RBFOX1: variants seen among roughly 807,000 people sequenced by gnomAD.
RBFOX1 encodes the protein RNA binding fox-1 homolog 1.
RBFOX1 carries 8 observed loss-of-function variants against 57.7 expected under a neutral mutation model. The observed-to-expected ratio is 0.14, with a 90% CI of 0.08 to 0.25. RBFOX1 has a LOEUF of 0.25. RBFOX1 is among the 10% of genes least tolerant of loss of function. RBFOX1 has a pLI of 1.00. For synonymous variants in RBFOX1, 326 were observed against 222.4 expected (o/e 1.47, Z -4.15); for missense variants, 611 against 548.5 (o/e 1.11, Z -1.14).
intron 4 of RBFOX1, among the ~76,000 whole-genome samples, chr16:5,909,538 G>T (rs1027446308): frequency 6.6e-6 from 1 of 152,198 alleles, no homozygotes; most frequent in Non-Finnish European, 1.5e-5. Context: ...GGTGCAGGAG[G>T]CACGGTTTAT....
At chr16:5,885,550 C>T (rs917800078) in intron 4 of RBFOX1, among the ~76,000 whole-genome samples, 4 of 152,128 alleles carry the variant, frequency 2.6e-5, no homozygotes, top group African/African-American at 4.8e-5. Context: ...TCCTTTCCTT[C>T]CTCAAAGTGA....
intron 2 of RBFOX1, among the ~76,000 whole-genome samples, chr16:5,597,483 T>C (rs886467571): frequency 1.4e-5 from 2 of 147,438 alleles, no homozygotes; most frequent in African/African-American, 5.0e-5. Context: ...CACTGCAACC[T>C]GTACCTCCCA....
chr16:6,388,219 G>C (rs913123335), intron 2 of RBFOX1, among the ~76,000 whole-genome samples: 1 of 151,934 alleles, frequency 6.6e-6, no homozygotes, highest in African/African-American at 2.4e-5. Context: ...ACCAACCTCG[G>C]CCTCCCAAAG....
chr16:6,295,135 G>A (rs1023024065), intron 1 of RBFOX1, among the ~76,000 whole-genome samples: 2 of 126,718 alleles, frequency 1.6e-5, no homozygotes, highest in Non-Finnish European at 3.1e-5. Flanking sequence ...TTGAGACGGG[G>A]TATCTCTCTG....
chr16:6,183,618 G>A (rs1383786338), intron 1 of RBFOX1, among the ~76,000 whole-genome samples: 1 of 152,076 alleles, frequency 6.6e-6, no homozygotes, highest in African/African-American at 2.4e-5. Context: ...TGTAACATTT[G>A]TGCAGAAACA....
At chr16:6,525,084 C>T (rs1269829085) in intron 2 of RBFOX1, among the ~76,000 whole-genome samples, 2 of 152,170 alleles carry the variant, frequency 1.3e-5, no homozygotes, top group African/African-American at 4.8e-5. Flanking sequence ...TCCCTCCCTC[C>T]ACCTAAATTA....
intron 4 of RBFOX1, among the ~76,000 whole-genome samples, chr16:7,286,510 TG>T (rs2095654416): frequency 6.7e-6 from 1 of 150,046 alleles, no homozygotes; most frequent in African/African-American, 2.5e-5. Context: ...AGTACAGTGA[TG>T]CCATCTCAGC....
intron 1 of RBFOX1, among the ~76,000 whole-genome samples, chr16:5,375,356 A>C (rs1162358608): frequency 6.6e-6 from 1 of 152,182 alleles, no homozygotes. Context: ...GAGGTTGGAA[A>C]GGAAACTGTG....
chr16:7,076,083 C>A (rs2058243925), intron 4 of RBFOX1, among the ~76,000 whole-genome samples: 2 of 148,460 alleles, frequency 1.3e-5, no homozygotes, highest in African/African-American at 5.0e-5. Context: ...TGTTCTATTG[C>A]CAGGCTGGAC....
At chr16:7,401,719 T>A (rs1311737145) in intron 4 of RBFOX1, among the ~76,000 whole-genome samples, 2 of 152,128 alleles carry the variant, frequency 1.3e-5, no homozygotes, top group African/African-American at 4.8e-5. Flanking sequence ...GACAGTGAGG[T>A]AATGAGGAAA....
At chr16:7,476,040 A>C (rs373460879) in intron 4 of RBFOX1, among the ~76,000 whole-genome samples, 104 of 151,638 alleles carry the variant, frequency 6.9e-4, no homozygotes, top group African/African-American at 2.4e-3. Flanking sequence ...ATCATGGCTC[A>C]CTGCAGCCTC....
At chr16:6,056,751 G>A (rs1216293919) in intron 1 of RBFOX1, among the ~76,000 whole-genome samples, 1 of 151,862 alleles carries the variant, frequency 6.6e-6, no homozygotes, top group African/African-American at 2.4e-5. Context: ...GGTACATTAT[G>A]AAATCACACT....
intron 10 of RBFOX1, among the ~76,000 whole-genome samples, chr16:7,627,105 G>C (rs1235571466): frequency 6.7e-6 from 1 of 149,940 alleles, no homozygotes; most frequent in Non-Finnish European, 1.5e-5. Context: ...GAGGAGGACA[G>C]GGGAAGCCCC....
Position 7,062,893 on chromosome 16 carries a change from A to ATTTTTT in RBFOX1, c.27+10825_27+10830dup, listed in dbSNP as rs1170936027. ...ACCTCATCTCATTCAAATGATCGCC[A>ATTTTTT]TTTTTTTTTTTTTTTTTTTTTTTTT... On this transcript the variant is annotated intron_variant, in intron 4 of 15. Transcript: ENST00000550418. Among the ~76,000 whole-genome samples the ATTTTTT allele has an allele frequency of 2.7e-3, 128 of 47,190 alleles. 2 individuals carry two copies. The highest frequency in any genetic ancestry group is 3.1e-3 in the Non-Finnish European group (80 of 25,914). The allele number at this position is 47,190 out of a possible 152,430, so 31.0% of individuals were successfully genotyped here.
intron 2 of RBFOX1, among the ~76,000 whole-genome samples, chr16:6,578,159 C>T (rs945411877): frequency 6.6e-6 from 1 of 152,228 alleles, no homozygotes; most frequent in Non-Finnish European, 1.5e-5. Context: ...ATTCTAACTA[C>T]TACTAGACAT....
chr16:5,268,964 G>T (rs1259903565), intron 1 of RBFOX1, among the ~76,000 whole-genome samples: 1 of 150,828 alleles, frequency 6.6e-6, no homozygotes. Context: ...GCCCAGGCTA[G>T]AGTGCAGTGG....
chr16:5,361,557 G>A (rs1003002767), intron 1 of RBFOX1, among the ~76,000 whole-genome samples: 1 of 152,206 alleles, frequency 6.6e-6, no homozygotes, highest in African/African-American at 2.4e-5. Flanking sequence ...TTGTGAGGCC[G>A]CTTGTTAGAA....
chr16:6,692,893 T>A (rs374959079), intron 3 of RBFOX1, among the ~76,000 whole-genome samples: 3 of 149,810 alleles, frequency 2.0e-5, no homozygotes, highest in African/African-American at 7.4e-5. Flanking sequence ...ATCACCACCA[T>A]CATTATCAGC....
chr16:7,168,187 C>G (rs1299753104), intron 4 of RBFOX1, among the ~76,000 whole-genome samples: 1 of 152,178 alleles, frequency 6.6e-6, no homozygotes, highest in Non-Finnish European at 1.5e-5. Flanking sequence ...CTATGAGCAG[C>G]AGCTTTGTAT....
Sources: gnomAD v4.1 joint callset for allele counts (sites outside exome capture counted in the v4.1 genomes callset) on GRCh38, gnomAD v4.1.1 for gene constraint, MANE v1.5 for transcripts, NCBI Gene and HGNC (gene_info 2026-07-23, HGNC 2026-07-21) for gene names.